EHBP1: variants seen among roughly 807,000 people sequenced by gnomAD.
EHBP1 encodes EH domain-binding protein 1.
A neutral mutation model predicts 144.0 loss-of-function variants in EHBP1; 55 were observed. That is an observed-to-expected ratio of 0.38 (90% CI 0.31 to 0.48). EHBP1 has a LOEUF of 0.48. Among genes scored for constraint, EHBP1 ranks in the 20% least tolerant of loss-of-function variants. The pLI, the probability that EHBP1 is intolerant of heterozygous loss-of-function variation, is 0.98. For missense variants in EHBP1, 1,200 were observed against 1,364.2 expected, an observed-to-expected ratio of 0.88 and a Z score of 1.90; for synonymous variants, 469 against 472.7, an observed-to-expected ratio of 0.99 and a Z score of 0.10.
intron 7 of EHBP1, among the ~76,000 whole-genome samples, chr2:62,853,250 T>TA (rs2048808897): frequency 6.6e-6 from 1 of 152,194 alleles, no homozygotes; most frequent in African/African-American, 2.4e-5. Flanking sequence ...CCAGTATATA[T>TA]AAAAGTTATG....
chr2:63,036,503 A>C (rs561634989), intron 19 of EHBP1, among the ~76,000 whole-genome samples: 1 of 152,054 alleles, frequency 6.6e-6, no homozygotes, highest in East Asian at 1.9e-4. Context: ...ATCTGAAGGG[A>C]ATTATTTAAT....
intron 12 of EHBP1, among the ~76,000 whole-genome samples, chr2:62,947,234 A>G (rs1053619487): frequency 3.3e-5 from 5 of 152,174 alleles, no homozygotes; most frequent in African/African-American, 1.2e-4. Context: ...ATCACAATTT[A>G]TTTTTCATTT....
chr2:62,699,003 G>A (rs360806), intron 1 of EHBP1, among the ~76,000 whole-genome samples: 23,678 of 152,180 alleles, frequency 0.16, 2,118 homozygotes, highest in Middle Eastern at 0.24. Context: ...CTTTTTGTGT[G>A]TGTGTTCTTT....
intron 3 of EHBP1, among the ~76,000 whole-genome samples, chr2:62,758,842 C>T (rs1189018056): frequency 6.6e-6 from 1 of 152,160 alleles, no homozygotes; most frequent in Non-Finnish European, 1.5e-5. Context: ...TGCCTAATGA[C>T]AGTTATGTTG....
In EHBP1 at chr2:62,942,903, A is replaced by G. The variant is rs1207596704; in HGVS notation, c.1364+7A>G. On this transcript the variant is annotated splice_region_variant and intron_variant, in intron 11 of 22. Transcript: ENST00000431489. Reference sequence around the variant, plus strand: ...ACTTTAGACCAGATTTAATGTAAGTAGAAACATTTTCCATTCCCTATATTT... The same window carrying G: ...ACTTTAGACCAGATTTAATGTAAGTGGAAACATTTTCCATTCCCTATATTT... The G allele has an allele frequency of 4.5e-6, 7 of 1,567,606 alleles. No individual in the cohort carries two copies. Among genetic ancestry groups the G allele is most frequent in the Non-Finnish European group, 5.2e-6 (6 of 1,150,162 alleles).
intron 5 of EHBP1, among the ~76,000 whole-genome samples, chr2:62,789,416 T>A (rs1475068071): frequency 1.3e-5 from 2 of 152,192 alleles, no homozygotes; most frequent in African/African-American, 4.8e-5. Flanking sequence ...GTTTTAAAAA[T>A]GTGACTTTCT....
At chr2:62,739,347 A>G (rs533514773) in intron 2 of EHBP1, among the ~76,000 whole-genome samples, 2 of 152,208 alleles carry the variant, frequency 1.3e-5, no homozygotes, top group Admixed American at 1.3e-4. Flanking sequence ...GAAATTGTGA[A>G]TATGATTGTT....
chr2:62,826,063 CTTT>C (rs759972072), intron 5 of EHBP1, 21 bp from the exon 6 acceptor site: 1 of 1,407,878 alleles, frequency 7.1e-7, no homozygotes, highest in South Asian at 1.7e-5. Context: ...AAATTACATA[CTTT>C]TTTTTTCTTT....
intron 5 of EHBP1, among the ~76,000 whole-genome samples, chr2:62,802,728 T>C (rs1261012142): frequency 6.8e-6 from 1 of 146,016 alleles, no homozygotes; most frequent in African/African-American, 2.5e-5. Context: ...ACTTTTTTTT[T>C]TTTTTTTTTT....
chr2:62,951,520 CTTT>C (rs869188893), intron 13 of EHBP1, among the ~76,000 whole-genome samples: 1 of 83,304 alleles, frequency 1.2e-5, no homozygotes, highest in Non-Finnish European at 2.5e-5. Context: ...ACAAATTTTT[CTTT>C]TTTTTTTTTT....
At chr2:62,975,214 C>T (rs2058659050) in intron 14 of EHBP1, among the ~76,000 whole-genome samples, 1 of 152,160 alleles carries the variant, frequency 6.6e-6, no homozygotes, top group African/African-American at 2.4e-5. Flanking sequence ...TGCTGGGTTC[C>T]CAGAAAGAGG....
At chr2:63,000,378 G>A (rs531369449) in intron 19 of EHBP1, among the ~76,000 whole-genome samples, 54 of 151,964 alleles carry the variant, frequency 3.6e-4, no homozygotes, top group African/African-American at 1.3e-3. Flanking sequence ...GTATGTGAGT[G>A]TGTGTGTTTT....
chr2:62,838,175 G>A (rs1316213833), intron 7 of EHBP1, among the ~76,000 whole-genome samples: 1 of 151,932 alleles, frequency 6.6e-6, no homozygotes, highest in East Asian at 1.9e-4. Flanking sequence ...TAGAACTCAG[G>A]ATTAAGAATC....
chr2:62,948,162 CAT>C (rs1383749561), intron 12 of EHBP1, 96 bp from the exon 13 acceptor site: 1 of 1,116,050 alleles, frequency 9.0e-7, no homozygotes, highest in African/African-American at 1.6e-5. Flanking sequence ...ATGTCGATAA[CAT>C]GTACCCAAAC....
rs748332929 is a variant in EHBP1, at chr2:62,771,377, A to G, written c.297A>G (p.Thr99=). The G allele has an allele frequency of 5.6e-6, 9 of 1,593,646 alleles. No homozygotes were observed. Among genetic ancestry groups the G allele is most frequent in the South Asian group, 3.4e-5 (3 of 87,212 alleles). Reference sequence around the variant, plus strand: ...AAGAATTTGAAGACAAAGAGTGGACATTTGTCATAGAAAATGTAAGCTAAT... The same window carrying G: ...AAGAATTTGAAGACAAAGAGTGGACGTTTGTCATAGAAAATGTAAGCTAAT... ...HAEEFEDKEW[T]FVIENESPSG... The change falls in exon 5 of 23, where the codon ACA becomes ACG. Residue 99 remains threonine (T), a synonymous_variant. Coordinates refer to ENST00000431489, the MANE Select transcript of EHBP1 (RefSeq NM_001142616.3).
chr2:62,773,624 A>T (rs1419463374), intron 5 of EHBP1, among the ~76,000 whole-genome samples: 1 of 151,608 alleles, frequency 6.6e-6, no homozygotes, highest in African/African-American at 2.4e-5. Context: ...CAAGGCAGGC[A>T]GATTGCCTGA....
intron 2 of EHBP1, among the ~76,000 whole-genome samples, chr2:62,714,440 T>C (rs1455640433): frequency 6.6e-6 from 1 of 152,178 alleles, no homozygotes; most frequent in Non-Finnish European, 1.5e-5. Flanking sequence ...AAAGAAACTT[T>C]AGAACAGCTT....
chr2:62,957,000 C>T (rs1314673810), intron 14 of EHBP1, among the ~76,000 whole-genome samples: 6 of 152,118 alleles, frequency 3.9e-5, no homozygotes, highest in African/African-American at 1.4e-4. Context: ...TTCTTATGAT[C>T]TAGCTTTTCT....
At chr2:62,975,887 T>TACACAC (rs57375651) in intron 14 of EHBP1, among the ~76,000 whole-genome samples, 3,712 of 123,684 alleles carry the variant, frequency 0.03, 74 homozygotes, top group African/African-American at 0.044. Flanking sequence ...TTACTGTATG[T>TACACAC]ACACACACAC....
Sources: allele counts gnomAD v4.1 joint callset (sites outside exome capture counted in the v4.1 genomes callset), GRCh38; gene constraint gnomAD v4.1.1; transcripts MANE v1.5; gene names NCBI Gene and HGNC (gene_info 2026-07-23, HGNC 2026-07-21).